The following NAV3 variants were observed in gnomAD, a reference collection of about 807,000 sequenced individuals.
The protein encoded by NAV3 is pore membrane and/or filament interacting like protein 1.
NAV3 carries 87 observed loss-of-function variants against 244.7 expected under a neutral mutation model. The ratio of observed to expected loss-of-function variants is 0.36; its 90% CI spans 0.30 to 0.42. NAV3 has a LOEUF of 0.42. Ranked by LOEUF, NAV3 falls within the 20% of genes least tolerant of loss-of-function variation. The pLI, the probability that NAV3 is intolerant of heterozygous loss-of-function variation, is 1.00. For synonymous variants in NAV3, 1,126 were observed against 1,042.2 expected, an observed-to-expected ratio of 1.08 and a Z score of -1.55; for missense variants, 2,663 against 2,893.3, an observed-to-expected ratio of 0.92 and a Z score of 1.83.
At chr12:77,990,712 G>A (rs1871302181) in intron 5 of NAV3, among the ~76,000 whole-genome samples, 1 of 152,044 alleles carries the variant, frequency 6.6e-6, no homozygotes, top group South Asian at 2.1e-4. Context: ...TTCTCATAAA[G>A]TTTAACAGTT....
chr12:78,020,615 C>T (rs2136793080), intron 8 of NAV3, among the ~76,000 whole-genome samples: 2 of 152,084 alleles, frequency 1.3e-5, no homozygotes, highest in South Asian at 4.1e-4. Flanking sequence ...TTATTAAAAC[C>T]TAAGTGAACT....
intron 3 of NAV3, among the ~76,000 whole-genome samples, chr12:77,943,215 T>G (rs143095948): frequency 1.3e-5 from 2 of 152,294 alleles, no homozygotes; most frequent in African/African-American, 2.4e-5. Flanking sequence ...TTATTACTTC[T>G]TATTCCTGTT....
chr12:77,757,478 G>A (rs1163182490), intron 2 of NAV3, among the ~76,000 whole-genome samples: 1 of 152,090 alleles, frequency 6.6e-6, no homozygotes, highest in Non-Finnish European at 1.5e-5. Flanking sequence ...CATATATTGA[G>A]TATATATTAC....
intron 12 of NAV3, among the ~76,000 whole-genome samples, chr12:78,067,903 G>A (rs1311687922): frequency 6.6e-6 from 1 of 151,792 alleles, no homozygotes; most frequent in African/African-American, 2.4e-5. Context: ...GCTTATAATA[G>A]AATTTACTAA....
chr12:77,829,141 G>T (rs1289235720), upstream of NAV3, among the ~76,000 whole-genome samples: 1 of 152,212 alleles, frequency 6.6e-6, no homozygotes, highest in African/African-American at 2.4e-5. Flanking sequence ...CTTCAAAGGG[G>T]CATGCCCCTG....
At chr12:77,824,200 A>T (rs954883093) in intron 2 of NAV3, among the ~76,000 whole-genome samples, 4 of 149,816 alleles carry the variant, frequency 2.7e-5, no homozygotes, top group African/African-American at 9.9e-5. Context: ...CAGCCTCCCG[A>T]GTAGCTGGGA....
rs569907301 is a variant in NAV3 at position 77,867,130 on chromosome 12, A to G, written c.243+35426A>G. Among the ~76,000 whole-genome samples, 3 of 152,256 alleles carry G rather than the reference A, an allele frequency of 2.0e-5. No individual in the cohort carries two copies. In the East Asian group the frequency reaches 5.8e-4, roughly 30 times the overall value. ...CTCATCTTGAATTGTAGCTTTCATA[A>G]TTCCCATGTGTTATGGGAGGGACCC... On this transcript the variant is annotated intron_variant, in intron 1 of 39. Coordinates refer to ENST00000397909, the MANE Select transcript of NAV3 (RefSeq NM_001024383.2).
chr12:77,951,690 C>T (rs997543861), intron 3 of NAV3, among the ~76,000 whole-genome samples: 1 of 152,038 alleles, frequency 6.6e-6, no homozygotes, highest in Non-Finnish European at 1.5e-5. Context: ...CAATGATAGA[C>T]TGGATTAAGA....
At chr12:77,768,254 T>C (rs2135865580) in intron 2 of NAV3, among the ~76,000 whole-genome samples, 1 of 152,290 alleles carries the variant, frequency 6.6e-6, no homozygotes, top group South Asian at 2.1e-4. Flanking sequence ...CTGGACTCCA[T>C]CTGGAACTGA....
chr12:78,088,805 TC>T (rs1264005567), intron 12 of NAV3: 1 of 152,102 alleles, frequency 6.6e-6, no homozygotes, highest in Admixed American at 6.6e-5. Flanking sequence ...TCACTGTGTG[TC>T]CCACATCACT....
intron 2 of NAV3, among the ~76,000 whole-genome samples, chr12:77,727,806 T>C (rs1444665959): frequency 1.3e-5 from 2 of 151,958 alleles, no homozygotes; most frequent in East Asian, 1.9e-4. Flanking sequence ...TAGGAAATTG[T>C]GCTAGAATTC....
rs1433080066 is a variant in NAV3, at chr12:78,119,641, A to C, written c.3445A>C (p.Ile1149Leu). Residue 1149 changes from isoleucine to leucine, a missense_variant, in exon 15 of 40, where the codon ATT (isoleucine) becomes CTT (leucine). Physicochemically the swap from Ile to Leu is conservative, Grantham distance 5. Coordinates refer to ENST00000397909, the MANE Select transcript of NAV3 (RefSeq NM_001024383.2). ...PRPSKSSTSG[I>L]PGRGGHRSST... ...CCCTTCAAAATCCAGCACCAGTGGC[A>C]TTCCTGGCCGAGGAGGCCACAGATC... The C allele has an allele frequency of 1.2e-6, 2 of 1,614,188 alleles. No individual in the cohort carries two copies. Among genetic ancestry groups the C allele is most frequent in the Non-Finnish European group, 8.5e-7 (1 of 1,180,032 alleles).
At chr12:77,790,653 T>G (rs1456705854) in intron 2 of NAV3, among the ~76,000 whole-genome samples, 1 of 152,208 alleles carries the variant, frequency 6.6e-6, no homozygotes, top group Non-Finnish European at 1.5e-5. Context: ...TTGCTTATGT[T>G]GGAGGCTTGC....
chr12:77,854,378 A>C (rs1256232292), intron 1 of NAV3, among the ~76,000 whole-genome samples: 1 of 152,104 alleles, frequency 6.6e-6, no homozygotes, highest in African/African-American at 2.4e-5. Flanking sequence ...AATCCCCTAA[A>C]TCGTACTTTT....
At chr12:78,185,474 A>G (rs758999910) in intron 30 of NAV3, 127 bp from the exon 31 acceptor site, 6 of 725,244 alleles carry the variant, frequency 8.3e-6, no homozygotes, top group Non-Finnish European at 1.3e-5. Flanking sequence ...TTTTCAAATC[A>G]GTTAGGCTAG....
chr12:77,623,837 C>T (rs1434191854), intron 2 of NAV3, among the ~76,000 whole-genome samples: 2 of 152,148 alleles, frequency 1.3e-5, no homozygotes, highest in Non-Finnish European at 2.9e-5. Context: ...AACTGCAGAG[C>T]ATGAATTTAA....
At chr12:77,861,878 T>A (rs1345157476) in intron 1 of NAV3, among the ~76,000 whole-genome samples, 1 of 151,842 alleles carries the variant, frequency 6.6e-6, no homozygotes, top group East Asian at 1.9e-4. Flanking sequence ...TAGTCCCTAC[T>A]CCGCAATGCT....
chr12:78,192,868 A>G (rs1289976862), intron 34 of NAV3, among the ~76,000 whole-genome samples: 1 of 152,160 alleles, frequency 6.6e-6, no homozygotes, highest in East Asian at 1.9e-4. Context: ...GAAAATTTGG[A>G]CAATTTTTGC....
At chr12:78,110,185 C>A (rs1444012789) in intron 12 of NAV3, among the ~76,000 whole-genome samples, 1 of 151,836 alleles carries the variant, frequency 6.6e-6, no homozygotes, top group African/African-American at 2.4e-5. Context: ...GAAAGTGATC[C>A]CATTTAAATT....
Sources: gnomAD v4.1 joint callset for allele counts (sites outside exome capture counted in the v4.1 genomes callset) on GRCh38, gnomAD v4.1.1 for gene constraint, MANE v1.5 for transcripts, NCBI Gene and HGNC (gene_info 2026-07-23, HGNC 2026-07-21) for gene names.